The following CEP128 variants were observed in gnomAD, a reference collection of about 807,000 sequenced individuals.
The protein encoded by CEP128 is centrosomal protein 128.
CEP128 carries 132 observed loss-of-function variants against 156.7 expected under a neutral mutation model. The ratio of observed to expected loss-of-function variants is 0.84; its 90% CI spans 0.73 to 0.97. The LOEUF (loss-of-function observed/expected upper bound fraction) is 0.97. Among genes scored for constraint, CEP128 ranks in the 50% least tolerant of loss-of-function variants. CEP128 has a pLI of 0.00. For synonymous variants in CEP128, 469 were observed against 448.9 expected, an observed-to-expected ratio of 1.04 and a Z score of -0.57; for missense variants, 1,252 against 1,281.9, an observed-to-expected ratio of 0.98 and a Z score of 0.36.
intron 17 of CEP128, among the ~76,000 whole-genome samples, chr14:80,760,141 A>G (rs185705658): frequency 6.6e-6 from 1 of 152,032 alleles, no homozygotes; most frequent in East Asian, 1.9e-4. Flanking sequence ...TTTAAAAAGC[A>G]GCATTAGGAA....
intron 18 of CEP128, among the ~76,000 whole-genome samples, chr14:80,752,631 A>T (rs186048152): frequency 4.2e-4 from 64 of 152,328 alleles, no homozygotes; most frequent in Middle Eastern, 3.4e-3. Context: ...ACAATGTTTT[A>T]AAAAATCCAC....
At chr14:80,594,418 A>C (rs1318185106) in intron 19 of CEP128, among the ~76,000 whole-genome samples, 2 of 152,226 alleles carry the variant, frequency 1.3e-5, no homozygotes, top group African/African-American at 4.8e-5. Flanking sequence ...ATGGGCAAAG[A>C]CTTCATGACT....
chr14:80,914,448 C>A (rs757359443), intron 3 of CEP128, 40 bp from the exon 4 acceptor site: 16 of 1,459,978 alleles, frequency 1.1e-5, no homozygotes, highest in Non-Finnish European at 1.4e-5. Flanking sequence ...ATTCCAAATA[C>A]TTTTTTTTCC....
chr14:80,930,418 G>T (rs905588751), intron 2 of CEP128, among the ~76,000 whole-genome samples: 3 of 152,010 alleles, frequency 2.0e-5, no homozygotes, highest in African/African-American at 7.2e-5. Flanking sequence ...TGGTAAGCCC[G>T]CAAGCTACCC....
Position 80,777,879 on chromosome 14 carries a change from T to C in CEP128, c.2376+3A>G, listed in dbSNP as rs201182671. 7.5e-4 allele frequency: 1,183 copies of C among 1,580,078 alleles called. No homozygotes were observed. The highest frequency in any genetic ancestry group is 8.8e-4 in the Non-Finnish European group (1,016 of 1,154,906). On this transcript the variant is annotated splice_donor_region_variant and intron_variant, in intron 16 of 24. Transcript: ENST00000555265. Reference sequence around the variant, plus strand: ...TGAAATTAGAATTCACTCATATTTTTACCCTTTCTTCTAGTTGATCCTTCA... The same window carrying C: ...TGAAATTAGAATTCACTCATATTTTCACCCTTTCTTCTAGTTGATCCTTCA...
chr14:80,816,919 T>TTA (rs1884892591), intron 13 of CEP128, among the ~76,000 whole-genome samples: 1 of 151,326 alleles, frequency 6.6e-6, no homozygotes, highest in Admixed American at 6.6e-5. Context: ...CAACTTTAAT[T>TTA]AAGTTAGACT....
Position 80,675,727 on chromosome 14 carries a change from T to C in CEP128, c.2806+67348A>G, listed in dbSNP as rs367694791. ...TGAAACACATTTTGATGAACAGAAA[T>C]ATTTAATTTTAAGATAGTCAAATCT... is the stretch of plus-strand genomic sequence containing the variant. On this transcript the variant is annotated intron_variant, in intron 19 of 24. Transcript: ENST00000555265. Among the ~76,000 whole-genome samples the C allele has an allele frequency of 3.9e-5, 6 of 152,228 alleles. No individual in the cohort carries two copies. In the East Asian group the frequency reaches 9.6e-4, roughly 24 times the overall value.
chr14:80,816,053 T>C lies in CEP128; in HGVS notation c.1209+15090A>G, dbSNP rs376763113. Among the ~76,000 whole-genome samples, 19 of 152,300 alleles carry C rather than the reference T, an allele frequency of 1.2e-4. No individual in the cohort carries two copies. In the East Asian group the frequency reaches 2.7e-3, roughly 22 times the overall value. On this transcript the variant is annotated intron_variant, in intron 13 of 24. Transcript: ENST00000555265. ...AAAAAAAACCCAGACTTCACCATTA[T>C]GCAATATATCCATGTAAGAAAACTA...
chr14:80,503,495 A>G (rs946337112), intron 24 of CEP128, among the ~76,000 whole-genome samples: 1 of 152,180 alleles, frequency 6.6e-6, no homozygotes, highest in African/African-American at 2.4e-5. Context: ...GTGCATTTCT[A>G]GAAAGGCTTA....
chr14:80,617,217 A>AC (rs1491470595), intron 19 of CEP128, among the ~76,000 whole-genome samples: 1 of 43,140 alleles, frequency 2.3e-5, no homozygotes, highest in Non-Finnish European at 5.0e-5. Flanking sequence ...TGTGAATATC[A>AC]TCTTTTTTTT....
At chr14:80,921,925 T>C (rs1336272881) in intron 2 of CEP128, among the ~76,000 whole-genome samples, 2 of 150,906 alleles carry the variant, frequency 1.3e-5, no homozygotes, top group Admixed American at 1.3e-4. Flanking sequence ...ATCACGCCAC[T>C]GCACTCCAGC....
chr14:80,862,961 C>A (rs1566678465), intron 8 of CEP128, 88 bp from the exon 9 acceptor site: 8 of 862,528 alleles, frequency 9.3e-6, no homozygotes. Flanking sequence ...AGCAGATACA[C>A]TACTGCTTAA....
intron 23 of CEP128, among the ~76,000 whole-genome samples, chr14:80,511,743 TC>T (rs1362983343): frequency 2.6e-5 from 4 of 152,050 alleles, no homozygotes; most frequent in Non-Finnish European, 5.9e-5. Context: ...TAAACTTTCC[TC>T]TTCGTACTGC....
intron 16 of CEP128, among the ~76,000 whole-genome samples, chr14:80,765,580 T>C (rs1900198197): frequency 6.6e-6 from 1 of 152,144 alleles, no homozygotes; most frequent in South Asian, 2.1e-4. Flanking sequence ...AGACACAATC[T>C]AACTTCAATG....
intron 2 of CEP128, among the ~76,000 whole-genome samples, chr14:80,957,280 AC>A (rs757248262): frequency 2.6e-5 from 4 of 151,846 alleles, no homozygotes; most frequent in Non-Finnish European, 5.9e-5. Context: ...GGTAAGCTAT[AC>A]CCCCCTTCCC....
chr14:80,614,795 C>T (rs1893144326), intron 19 of CEP128, among the ~76,000 whole-genome samples: 1 of 152,216 alleles, frequency 6.6e-6, no homozygotes, highest in African/African-American at 2.4e-5. Flanking sequence ...CTCCAGAAAT[C>T]TGCTCATGTA....
Position 80,778,029 on chromosome 14 carries a change from C to T in CEP128, c.2229G>A (p.Glu743=). The T allele has an allele frequency of 6.2e-7, 1 of 1,612,858 alleles. No homozygotes were observed. Among genetic ancestry groups the T allele is most frequent in the Non-Finnish European group, 8.5e-7 (1 of 1,179,766 alleles). ...IRTLKAESLE[E]KNMAKIHRGQ... ...CACGATGAATTTTAGCCATATTCTTCTCTTCTAAACTTTCAGCCTGAGAAA... is the reference window on the plus strand; with the variant it reads ...CACGATGAATTTTAGCCATATTCTTTTCTTCTAAACTTTCAGCCTGAGAAA... Residue 743 remains glutamate, a synonymous_variant, in exon 16 of 25, where the codon GAG becomes GAA. Transcript: ENST00000555265.
At chr14:80,717,241 C>T (rs1043777111) in intron 19 of CEP128, among the ~76,000 whole-genome samples, 8 of 152,136 alleles carry the variant, frequency 5.3e-5, no homozygotes, top group African/African-American at 1.9e-4. Flanking sequence ...ATAGTTGTCC[C>T]TTTCACGGCA....
chr14:80,928,987 G>C (rs1342601219), intron 2 of CEP128, among the ~76,000 whole-genome samples: 1 of 151,572 alleles, frequency 6.6e-6, no homozygotes, highest in Non-Finnish European at 1.5e-5. Flanking sequence ...CCAACAAAGG[G>C]CTAATATCCA....
Sources: gnomAD v4.1 joint callset for allele counts (sites outside exome capture counted in the v4.1 genomes callset) on GRCh38, gnomAD v4.1.1 for gene constraint, MANE v1.5 for transcripts, NCBI Gene and HGNC (gene_info 2026-07-23, HGNC 2026-07-21) for gene names.